Variants in TPD52L1 observed in about 807,000 individuals in gnomAD.
The protein encoded by TPD52L1 is TPD52 like 1.
TPD52L1 carries 18 observed loss-of-function variants against 28.7 expected under a neutral mutation model. The ratio of observed to expected loss-of-function variants is 0.63; its 90% CI spans 0.43 to 0.93. The LOEUF (loss-of-function observed/expected upper bound fraction) is 0.93, where lower values mean the gene tolerates loss of function less well. Ranked by LOEUF, TPD52L1 falls within the 40% of genes least tolerant of loss-of-function variation. TPD52L1 has a pLI of 0.00. For missense variants in TPD52L1, 203 were observed against 254.8 expected (o/e 0.80, Z 1.39); for synonymous variants, 75 against 88.8 (o/e 0.84, Z 0.88).
intron 5 of TPD52L1, among the ~76,000 whole-genome samples, chr6:125,256,747 A>C (rs1797626993): frequency 6.6e-6 from 1 of 152,260 alleles, no homozygotes; most frequent in South Asian, 2.1e-4. Context: ...TTGTGATAGA[A>C]ACAATAAATG....
intron 1 of TPD52L1, 143 bp downstream of exon 1, chr6:125,154,113 G>C: frequency 7.0e-7 from 1 of 1,420,646 alleles, no homozygotes; most frequent in Non-Finnish European, 9.3e-7. Flanking sequence ...CCGCGCCTTT[G>C]GTATAATGCC....
chr6:125,206,980 T>A (rs558498130), intron 1 of TPD52L1, among the ~76,000 whole-genome samples: 1 of 152,306 alleles, frequency 6.6e-6, no homozygotes, highest in Admixed American at 6.5e-5. Context: ...AGTCAATGCA[T>A]CAAGAACATT....
At chr6:125,167,882 G>A (rs1174627497) in intron 1 of TPD52L1, among the ~76,000 whole-genome samples, 1 of 152,042 alleles carries the variant, frequency 6.6e-6, no homozygotes, top group African/African-American at 2.4e-5. Context: ...AAATGGGGTG[G>A]GTTGAGTAAC....
intron 6 of TPD52L1, chr6:125,262,504 G>T (rs556831986): frequency 2.3e-4 from 43 of 186,740 alleles, no homozygotes; most frequent in Non-Finnish European, 4.3e-4. Flanking sequence ...ATTTTGATTA[G>T]ATCAGTTCTC....
chr6:125,255,067 T>C (rs1274855644), intron 5 of TPD52L1, among the ~76,000 whole-genome samples: 2 of 152,150 alleles, frequency 1.3e-5, no homozygotes, highest in Non-Finnish European at 2.9e-5. Context: ...AATGCCCCAG[T>C]TGGGTAGTGG....
chr6:125,175,276 T>A (rs1306413677), intron 1 of TPD52L1, among the ~76,000 whole-genome samples: 3 of 152,168 alleles, frequency 2.0e-5, no homozygotes, highest in Non-Finnish European at 2.9e-5. Flanking sequence ...TGAATAGTAT[T>A]GAGTGCATAT....
intron 1 of TPD52L1, among the ~76,000 whole-genome samples, chr6:125,175,029 G>A (rs1411515465): frequency 1.3e-5 from 2 of 152,124 alleles, no homozygotes; most frequent in Admixed American, 1.3e-4. Context: ...GTGTGTGTGT[G>A]TGTATCCTAT....
intron 1 of TPD52L1, among the ~76,000 whole-genome samples, chr6:125,156,477 AAAAGAG>A (rs1790136777): frequency 1.5e-5 from 2 of 131,448 alleles, no homozygotes; most frequent in South Asian, 3.0e-4. Flanking sequence ...AAAAAAAAAA[AAAAGAG>A]AGAGATACAA....
At chr6:125,231,633 GTTTGT>G (rs775475689) in intron 3 of TPD52L1, among the ~76,000 whole-genome samples, 9,385 of 143,522 alleles carry the variant, frequency 0.065, 429 homozygotes, top group African/African-American at 0.14. Flanking sequence ...TGTTGTTGTT[GTTTGT>G]TTGTTTGTTT....
chr6:125,173,610 G>A (rs868604954), intron 1 of TPD52L1, among the ~76,000 whole-genome samples: 2 of 152,140 alleles, frequency 1.3e-5, no homozygotes, highest in African/African-American at 4.8e-5. Flanking sequence ...TCGTTCTTAA[G>A]AAGCCTGTTT....
intron 5 of TPD52L1, among the ~76,000 whole-genome samples, chr6:125,256,743 T>C (rs1797626644): frequency 6.6e-6 from 1 of 152,246 alleles, no homozygotes; most frequent in African/African-American, 2.4e-5. Context: ...AGTGTTGTGA[T>C]AGAAACAATA....
chr6:125,155,451 C>T (rs1054847840), intron 1 of TPD52L1, among the ~76,000 whole-genome samples: 1 of 152,182 alleles, frequency 6.6e-6, no homozygotes, highest in Non-Finnish European at 1.5e-5. Flanking sequence ...TGAAGACATC[C>T]GAAACTACAG....
chr6:125,241,020 G>A (rs1171620223), intron 3 of TPD52L1, among the ~76,000 whole-genome samples: 1 of 151,996 alleles, frequency 6.6e-6, no homozygotes, highest in Non-Finnish European at 1.5e-5. Flanking sequence ...ATTATGCAGA[G>A]ATCTTTAATC....
intron 3 of TPD52L1, among the ~76,000 whole-genome samples, chr6:125,230,181 C>T (rs1795865862): frequency 6.6e-6 from 1 of 152,172 alleles, no homozygotes; most frequent in African/African-American, 2.4e-5. Context: ...TCTACAATCA[C>T]ACTTTTTTTA....
intron 6 of TPD52L1, 151 bp downstream of exon 6, chr6:125,257,309 C>T (rs1797666361): frequency 1.7e-6 from 1 of 582,412 alleles, no homozygotes; most frequent in Non-Finnish European, 3.0e-6. Context: ...ATGAATAAAA[C>T]CACTATTGAA....
intron 2 of TPD52L1, among the ~76,000 whole-genome samples, chr6:125,225,003 C>A (rs1297927525): frequency 6.6e-6 from 1 of 152,168 alleles, no homozygotes; most frequent in African/African-American, 2.4e-5. Flanking sequence ...CAGTTGCTTC[C>A]ATTTCCCACT....
chr6:125,245,599 G>A (rs576066014), intron 3 of TPD52L1, among the ~76,000 whole-genome samples: 13 of 152,270 alleles, frequency 8.5e-5, no homozygotes, highest in Non-Finnish European at 1.9e-4. Flanking sequence ...CCACTGTGGG[G>A]GTTGGGGGGT....
At chr6:125,197,893 G>A (rs1793548074) in intron 1 of TPD52L1, among the ~76,000 whole-genome samples, 1 of 152,188 alleles carries the variant, frequency 6.6e-6, no homozygotes, top group African/African-American at 2.4e-5. Flanking sequence ...GTTCACTCAG[G>A]AAAGGCTGGG....
In TPD52L1 at chr6:125,246,806, C is replaced by G. The variant is rs149102287; in HGVS notation, c.285-1476C>G. On this transcript the variant is annotated intron_variant, in intron 3 of 6. Coordinates refer to ENST00000534000, the MANE Select transcript of TPD52L1 (RefSeq NM_003287.4). ...TCCTCTCCAGAGACACAAATTACCC[C>G]CTAGTCACCAGATTCTTCCTTGACC... 3.2e-3 allele frequency among the ~76,000 whole-genome samples: 486 copies of G among 151,832 alleles called. 3 individuals carry two copies. Among genetic ancestry groups the G allele is most frequent in the South Asian group, 0.013 (62 of 4,804 alleles).
Sources: allele counts gnomAD v4.1 joint callset (sites outside exome capture counted in the v4.1 genomes callset), GRCh38; gene constraint gnomAD v4.1.1; transcripts MANE v1.5; gene names NCBI Gene and HGNC (gene_info 2026-07-23, HGNC 2026-07-21).